COLEC12: variants seen among roughly 807,000 people sequenced by gnomAD.
COLEC12 encodes collectin-12.
Under a neutral mutation model 71.1 loss-of-function variants are expected in COLEC12, and 33 were observed. The observed-to-expected ratio is 0.46, with a 90% CI of 0.35 to 0.62. The LOEUF is 0.62. Among genes scored for constraint, COLEC12 ranks in the 20% least tolerant of loss-of-function variants. The probability of loss-of-function intolerance (pLI) is 0.00; values close to 1 mark genes in which losing one functional copy is unlikely to be tolerated. For synonymous variants in COLEC12, 350 were observed against 353.0 expected (o/e 0.99, Z 0.10); for missense variants, 765 against 916.1 (o/e 0.84, Z 2.13).
At chr18:405,271 A>T (rs1915762861) in intron 2 of COLEC12, among the ~76,000 whole-genome samples, 1 of 152,132 alleles carries the variant, frequency 6.6e-6, no homozygotes, top group South Asian at 2.1e-4. Context: ...CCTTATGAAT[A>T]GTTCTGCTTT....
intron 2 of COLEC12, among the ~76,000 whole-genome samples, chr18:472,828 G>C (rs988258800): frequency 6.6e-6 from 1 of 151,912 alleles, no homozygotes; most frequent in African/African-American, 2.4e-5. Context: ...TTGAGGGAGG[G>C]AGGGAATAAG....
intron 8 of COLEC12, among the ~76,000 whole-genome samples, 180 bp downstream of exon 8, chr18:331,488 G>A (rs910495854): frequency 2.6e-5 from 4 of 152,162 alleles, no homozygotes; most frequent in South Asian, 2.1e-4. Context: ...ATTTGACAGC[G>A]TATCAACTGT....
At chr18:345,282 A>T (rs1282603058) in intron 5 of COLEC12, among the ~76,000 whole-genome samples, 1 of 152,242 alleles carries the variant, frequency 6.6e-6, no homozygotes, top group East Asian at 1.9e-4. Flanking sequence ...TGATGCTACA[A>T]TTCTTCAACT....
intron 2 of COLEC12, among the ~76,000 whole-genome samples, chr18:433,114 C>A (rs1916337243): frequency 6.6e-6 from 1 of 152,184 alleles, no homozygotes; most frequent in East Asian, 1.9e-4. Flanking sequence ...TGCCTAATTT[C>A]TCTAAGTTCA....
intron 2 of COLEC12, among the ~76,000 whole-genome samples, chr18:365,504 A>G (rs1311689905): frequency 6.6e-6 from 1 of 152,200 alleles, no homozygotes; most frequent in East Asian, 1.9e-4. Context: ...TTGAAGTTCT[A>G]GTATGCTTGA....
intron 2 of COLEC12, among the ~76,000 whole-genome samples, chr18:415,156 T>C (rs1410437648): frequency 6.6e-6 from 1 of 152,242 alleles, no homozygotes; most frequent in Non-Finnish European, 1.5e-5. Context: ...CTTTGCAGTT[T>C]ACTAACATTA....
chr18:432,736 T>C (rs1210230754), intron 2 of COLEC12, among the ~76,000 whole-genome samples: 1 of 133,604 alleles, frequency 7.5e-6, no homozygotes, highest in Non-Finnish European at 1.6e-5. Context: ...TGATATACTG[T>C]CTATCTGATT....
chr18:359,531 T>G (rs1161909272), intron 2 of COLEC12, among the ~76,000 whole-genome samples: 1 of 152,162 alleles, frequency 6.6e-6, no homozygotes, highest in Non-Finnish European at 1.5e-5. Context: ...AGGAGGTAAA[T>G]TTTTACTGCT....
chr18:365,190 A>G (rs1914828368), intron 2 of COLEC12, among the ~76,000 whole-genome samples: 1 of 152,222 alleles, frequency 6.6e-6, no homozygotes, highest in Admixed American at 6.5e-5. Context: ...TACAGGCCTG[A>G]TGCTTCTGCC....
intron 2 of COLEC12, among the ~76,000 whole-genome samples, chr18:414,580 A>C (rs1305583965): frequency 3.9e-5 from 6 of 152,214 alleles, no homozygotes; most frequent in African/African-American, 1.4e-4. Flanking sequence ...CCTGGGCAAC[A>C]AGAGTGAAAC....
rs557142313 is a variant in COLEC12 at position 460,774 on chromosome 18, T to C, written c.58+19933A>G. On this transcript the variant is annotated intron_variant, in intron 2 of 9. Coordinates refer to ENST00000400256, the MANE Select transcript of COLEC12 (RefSeq NM_130386.3). Reference sequence around the variant, plus strand: ...CTATGTGCATCCTCTCTTCTTTCCTTTTTGGGTCTGCAGTGTCTACCGGTC... The same window carrying C: ...CTATGTGCATCCTCTCTTCTTTCCTCTTTGGGTCTGCAGTGTCTACCGGTC... 3.5e-5 allele frequency among the ~76,000 whole-genome samples: 3 copies of C among 85,206 alleles called. No individual in the cohort carries two copies. In the East Asian group the frequency reaches 1.7e-3, roughly 48 times the overall value. 55.9% of individuals were successfully genotyped at this position (85,206 alleles called of 152,430 possible). A position where few individuals can be genotyped will look rare whatever the true frequency, so the allele number is the denominator to read the frequency against.
chr18:447,680 A>C (rs1481020146), intron 2 of COLEC12, among the ~76,000 whole-genome samples: 2 of 152,196 alleles, frequency 1.3e-5, no homozygotes, highest in African/African-American at 4.8e-5. Flanking sequence ...TCACCTCTCC[A>C]CATATACTTG....
intron 2 of COLEC12, among the ~76,000 whole-genome samples, chr18:363,458 A>G (rs1000813826): frequency 6.6e-6 from 1 of 152,228 alleles, no homozygotes; most frequent in Non-Finnish European, 1.5e-5. Flanking sequence ...GAAGCTTTAA[A>G]AAGGGTCAAT....
intron 8 of COLEC12, among the ~76,000 whole-genome samples, chr18:329,819 T>G (rs2143424960): frequency 6.6e-6 from 1 of 152,318 alleles, no homozygotes; most frequent in South Asian, 2.1e-4. Context: ...GGCTCATACC[T>G]CTGATCCCAG....
intron 2 of COLEC12, among the ~76,000 whole-genome samples, chr18:396,057 T>C (rs1354586321): frequency 6.6e-6 from 1 of 152,166 alleles, no homozygotes; most frequent in African/African-American, 2.4e-5. Context: ...TTTGATTACT[T>C]TGCTATCAGC....
intron 2 of COLEC12, among the ~76,000 whole-genome samples, chr18:467,423 G>A (rs919924676): frequency 6.6e-6 from 1 of 152,116 alleles, no homozygotes; most frequent in African/African-American, 2.4e-5. Flanking sequence ...GCTCCCAATG[G>A]GCCATCTTCT....
rs953615618 is a variant in COLEC12, at chr18:317,680, A to T, written c.*2365T>A. 3.9e-5 allele frequency: 6 copies of T among 152,258 alleles called. No homozygotes were observed. The highest frequency in any genetic ancestry group is 2.0e-4 in the Admixed American group (3 of 15,284). The allele number at this position is 152,258 out of a possible 1,614,324, so 9.4% of individuals were successfully genotyped here. A position where few individuals can be genotyped will look rare whatever the true frequency, so the allele number is the denominator to read the frequency against. On this transcript the variant is annotated 3_prime_UTR_variant, in exon 10 of 10. Transcript: ENST00000400256. ...TTATTTTCAAGTTTCTTCTGAAGAC[A>T]AATTTTAATTGACACTTGAAAACCA...
chr18:329,621 C>G (rs1471403425), intron 8 of COLEC12, among the ~76,000 whole-genome samples: 1 of 152,172 alleles, frequency 6.6e-6, no homozygotes, highest in African/African-American at 2.4e-5. Flanking sequence ...AGGGGGTACC[C>G]CTTCCTCTCC....
intron 2 of COLEC12, among the ~76,000 whole-genome samples, 162 bp from the exon 3 acceptor site, chr18:357,684 T>A (rs1443745029): frequency 6.6e-6 from 1 of 152,254 alleles, no homozygotes; most frequent in Non-Finnish European, 1.5e-5. Context: ...TTGAGCAACA[T>A]AAGCACTTCA....
Sources: allele counts gnomAD v4.1 joint callset (sites outside exome capture counted in the v4.1 genomes callset), GRCh38; gene constraint gnomAD v4.1.1; transcripts MANE v1.5; gene names NCBI Gene and HGNC (gene_info 2026-07-23, HGNC 2026-07-21).